SEMA5A: variants seen among roughly 807,000 people sequenced by gnomAD.
SEMA5A encodes semaphorin 5A.
SEMA5A carries 55 observed loss-of-function variants against 135.5 expected under a neutral mutation model. That is an observed-to-expected ratio of 0.41 (90% CI 0.33 to 0.51). The LOEUF is 0.51. SEMA5A is among the 20% of genes least tolerant of loss of function. The pLI is 0.37. For missense variants in SEMA5A, 1,290 were observed against 1,419.9 expected (o/e 0.91, Z 1.47); for synonymous variants, 580 against 546.5 (o/e 1.06, Z -0.85).
intron 3 of SEMA5A, among the ~76,000 whole-genome samples, chr5:9,344,750 G>A (rs962224049): frequency 6.6e-6 from 1 of 152,180 alleles, no homozygotes; most frequent in African/African-American, 2.4e-5. Context: ...TTGTAGAAAG[G>A]TTGGAAAATA....
At position 9,154,505 on chromosome 5, in the gene SEMA5A, C is replaced by G. The variant is rs200939180; in HGVS notation, c.1464G>C (p.Gln488His). Residue 488 changes from glutamine (Q) to histidine (H), a missense_variant, in exon 12 of 23, where the codon CAG becomes CAC. By Grantham distance (24) the Gln-to-His change is conservative. Coordinates refer to ENST00000382496, the MANE Select transcript of SEMA5A (RefSeq NM_003966.3). ...HVVKIPLKRC[Q>H]FYRTRSTCIG... ...TGCCCTACCTGCGTGTGCGGTAGAA[C>G]TGGCACCTCTTCAGGGGGATCTTGA... 4 of 1,612,096 alleles carry G rather than the reference C, an allele frequency of 2.5e-6. No individual in the cohort carries two copies. The Admixed American group carries it at 6.7e-5, about 27-fold the overall frequency.
At chr5:9,199,265 G>A (rs1745576441) in intron 9 of SEMA5A, among the ~76,000 whole-genome samples, 1 of 152,158 alleles carries the variant, frequency 6.6e-6, no homozygotes, top group South Asian at 2.1e-4. Context: ...TCCTTTAATA[G>A]TGTTGTGGGA....
intron 8 of SEMA5A, among the ~76,000 whole-genome samples, chr5:9,217,952 T>A (rs1746724175): frequency 6.6e-6 from 1 of 152,174 alleles, no homozygotes; most frequent in Admixed American, 6.5e-5. Context: ...AATCTCTAAC[T>A]TCATTCCTAT....
At chr5:9,407,870 T>A (rs1046593854) in intron 2 of SEMA5A, among the ~76,000 whole-genome samples, 1 of 151,902 alleles carries the variant, frequency 6.6e-6, no homozygotes, top group Non-Finnish European at 1.5e-5. Context: ...CTTACCACCA[T>A]CACCATCACC....
At chr5:9,147,277 T>A (rs1293669575) in intron 12 of SEMA5A, among the ~76,000 whole-genome samples, 3 of 152,128 alleles carry the variant, frequency 2.0e-5, no homozygotes, top group Non-Finnish European at 1.5e-5. Flanking sequence ...AACCAATGTC[T>A]TTTTCCTTTT....
intron 1 of SEMA5A, among the ~76,000 whole-genome samples, chr5:9,491,829 A>G (rs921803305): frequency 2.0e-5 from 3 of 152,224 alleles, no homozygotes; most frequent in Non-Finnish European, 2.9e-5. Context: ...TCCTACAATC[A>G]TGAGTGGATA....
chr5:9,478,622 G>A (rs1759759522), intron 1 of SEMA5A, among the ~76,000 whole-genome samples: 1 of 152,146 alleles, frequency 6.6e-6, no homozygotes, highest in African/African-American at 2.4e-5. Context: ...GGACTTGCAT[G>A]GGCCCTGTAG....
At chr5:9,090,407 C>A (rs1738967925) in intron 16 of SEMA5A, among the ~76,000 whole-genome samples, 3 of 152,196 alleles carry the variant, frequency 2.0e-5, no homozygotes, top group Admixed American at 1.3e-4. Flanking sequence ...CTTCTAATGC[C>A]TTTGCCTACT....
At chr5:9,533,275 C>G (rs1028390404) in intron 1 of SEMA5A, among the ~76,000 whole-genome samples, 3 of 152,176 alleles carry the variant, frequency 2.0e-5, no homozygotes, top group African/African-American at 7.2e-5. Flanking sequence ...GTGGCATCAA[C>G]AGAGACATGC....
chr5:9,207,133 T>C (rs1227051672), intron 8 of SEMA5A, among the ~76,000 whole-genome samples: 1 of 135,354 alleles, frequency 7.4e-6, no homozygotes, highest in East Asian at 2.2e-4. Context: ...TATATATATA[T>C]AAAGCTTAAA....
intron 16 of SEMA5A, among the ~76,000 whole-genome samples, chr5:9,078,231 G>A (rs548989472): frequency 5.3e-4 from 80 of 152,272 alleles, no homozygotes; most frequent in South Asian, 2.7e-3. Flanking sequence ...TTTGGGAAAC[G>A]TTTCCTTCTC....
intron 15 of SEMA5A, among the ~76,000 whole-genome samples, chr5:9,112,002 C>T (rs1740269997): frequency 6.6e-6 from 1 of 152,126 alleles, no homozygotes; most frequent in African/African-American, 2.4e-5. Context: ...GCAGTTGGTC[C>T]CCTTTCTCTA....
chr5:9,450,405 G>A (rs2126702774), intron 1 of SEMA5A, among the ~76,000 whole-genome samples: 1 of 152,312 alleles, frequency 6.6e-6, no homozygotes, highest in Admixed American at 6.5e-5. Flanking sequence ...TCCAGTATCT[G>A]AAATTAATGA....
At chr5:9,365,943 T>G (rs181814744) in intron 3 of SEMA5A, among the ~76,000 whole-genome samples, 1 of 152,180 alleles carries the variant, frequency 6.6e-6, no homozygotes, top group Non-Finnish European at 1.5e-5. Context: ...GCTGCCACTG[T>G]TGAGCTCTGA....
chr5:9,114,475 G>A (rs1419309319), intron 15 of SEMA5A, among the ~76,000 whole-genome samples: 1 of 152,130 alleles, frequency 6.6e-6, no homozygotes, highest in Non-Finnish European at 1.5e-5. Flanking sequence ...TTGTGTGTGT[G>A]TGTGTAAAAG....
intron 4 of SEMA5A, among the ~76,000 whole-genome samples, chr5:9,332,066 C>T (rs952941069): frequency 2.6e-5 from 4 of 151,896 alleles, no homozygotes; most frequent in African/African-American, 7.3e-5. Flanking sequence ...GCAAGGCGTG[C>T]AGTTATGGGC....
chr5:9,521,307 G>C (rs1736816092), intron 1 of SEMA5A, among the ~76,000 whole-genome samples: 1 of 152,214 alleles, frequency 6.6e-6, no homozygotes, highest in African/African-American at 2.4e-5. Context: ...CTGCTCGGGA[G>C]GCTGAGGTAG....
chr5:9,164,002 ATATAATATATATT>A (rs1390628211), intron 11 of SEMA5A, among the ~76,000 whole-genome samples: 1 of 144,406 alleles, frequency 6.9e-6, no homozygotes, highest in Non-Finnish European at 1.5e-5. Flanking sequence ...TATGTATATA[ATATAATATATATT>A]TATAATATAA....
chr5:9,190,622 T>C lies in SEMA5A; in HGVS notation c.1069-151A>G, dbSNP rs75223377. On this transcript the variant is annotated intron_variant, in intron 10 of 22. Coordinates refer to ENST00000382496, the MANE Select transcript of SEMA5A (RefSeq NM_003966.3). ...AACATGTCTGCTTCTCCATCCTCCC[T>C]GCAGCCCCTATCCTTAGCATCCTTT... The C allele has an allele frequency of 4.6e-3, 3,157 of 681,588 alleles. 51 individuals are homozygous for C. The highest frequency in any genetic ancestry group is 0.044 in the African/African-American group (2,486 of 56,402). The allele number at this position is 681,588 out of a possible 1,614,324, so 42.2% of individuals were successfully genotyped here.
Sources: gnomAD v4.1 joint callset for allele counts (sites outside exome capture counted in the v4.1 genomes callset) on GRCh38, gnomAD v4.1.1 for gene constraint, MANE v1.5 for transcripts, NCBI Gene and HGNC (gene_info 2026-07-23, HGNC 2026-07-21) for gene names.